Variants in TOMT observed in about 807,000 individuals in gnomAD.
TOMT encodes the protein transmembrane O-methyltransferase.
In TOMT, 23 loss-of-function variants were observed where a neutral mutation model predicts 21.7. The ratio of observed to expected loss-of-function variants is 1.06; its 90% CI spans 0.76 to 1.50. The LOEUF (loss-of-function observed/expected upper bound fraction) is 1.50. TOMT is among the 40% of genes most tolerant of loss of function. The pLI, the probability that TOMT is intolerant of heterozygous loss-of-function variation, is 0.00. For synonymous variants in TOMT, 132 were observed against 150.8 expected, an observed-to-expected ratio of 0.88 and a Z score of 0.91; for missense variants, 331 against 348.7, an observed-to-expected ratio of 0.95 and a Z score of 0.41.
intron 1 of TOMT, 37 bp downstream of exon 1, chr11:72,106,247 C>A: frequency 7.0e-7 from 1 of 1,418,806 alleles, no homozygotes; most frequent in Non-Finnish European, 9.2e-7. Flanking sequence ...AAGAAGTACC[C>A]CCAAGACAGT....
chr11:72,108,926 G>A (rs1275546069), exon 3 of TOMT: 3 of 1,523,380 alleles, frequency 2.0e-6, no homozygotes, highest in Admixed American at 4.0e-5. Context: ...ACCAGGCTGA[G>A]GTCCAGGCCC....
Position 72,109,325 on chromosome 11 carries a change from C to A in TOMT, c.*400C>A, listed in dbSNP as rs956514341. On this transcript the variant is annotated 3_prime_UTR_variant, in exon 3 of 3. Coordinates refer to ENST00000541899, the Ensembl canonical transcript of TOMT. ...TTCTCGGCCTCAGAAAGCCTCCCATCCTCAGCCCATGCCATTCTGGGTGGG... is the reference window on the plus strand; with the variant it reads ...TTCTCGGCCTCAGAAAGCCTCCCATACTCAGCCCATGCCATTCTGGGTGGG... 13 of 468,078 alleles carry A rather than the reference C, an allele frequency of 2.8e-5. No homozygotes were observed. In the East Asian group the frequency reaches 7.4e-4, roughly 27 times the overall value. The allele number at this position is 468,078 out of a possible 1,614,324, so 29.0% of individuals were successfully genotyped here.
chr11:72,106,403 T>G lies in TOMT; in HGVS notation c.259+193T>G, dbSNP rs1161856033. The G allele has an allele frequency of 5.1e-6, 3 of 590,614 alleles. No homozygotes were observed. The East Asian group carries it at 9.0e-5, about 18-fold the overall frequency. 36.6% of individuals were successfully genotyped at this position (590,614 alleles called of 1,614,324 possible). ...CAGCAAACATTTATTGCCACCTCTTTTGTATTAGGAATGTGCTAGGTGCCA... is the reference window on the plus strand; with the variant it reads ...CAGCAAACATTTATTGCCACCTCTTGTGTATTAGGAATGTGCTAGGTGCCA... On this transcript the variant is annotated intron_variant, in intron 1 of 2. Transcript: ENST00000541899.
chr11:72,108,254 G>GCTCCTGCC (rs1048901383), intron 2 of TOMT, 135 bp downstream of exon 2: 1 of 752,066 alleles, frequency 1.3e-6, no homozygotes, highest in Non-Finnish European at 2.0e-6. Context: ...TGGTGTGTGA[G>GCTCCTGCC]CTCCTGCCCT....
chr11:72,109,090 A>C, exon 3 of TOMT: 6 of 621,504 alleles, frequency 9.7e-6, no homozygotes, highest in Non-Finnish European at 1.7e-5. Flanking sequence ...CACTGACCTC[A>C]AGTGTCAAGT....
At chr11:72,107,730 T>G (rs1402750100) in intron 1 of TOMT, 193 bp from the exon 2 acceptor site, 2 of 631,100 alleles carry the variant, frequency 3.2e-6, no homozygotes, top group East Asian at 5.5e-5. Context: ...GTTGGAAAGA[T>G]TCCAGGGCTG....
Position 72,108,135 on chromosome 11 carries a change from C to T in TOMT, c.456+16C>T, listed in dbSNP as rs1484271246. 1.4e-6 allele frequency: 2 copies of T among 1,477,742 alleles called. No homozygotes were observed. Among genetic ancestry groups the T allele is most frequent in the Admixed American group, 2.4e-5 (1 of 41,560 alleles). 91.5% of individuals were successfully genotyped at this position (1,477,742 alleles called of 1,614,324 possible). ...TGAGCACATGGTCAGCCTCCCATCT[C>T]CCCAACCCAGATTTTTGTCACCCCA... On this transcript the variant is annotated intron_variant, in intron 2 of 2. Coordinates refer to ENST00000541899, the Ensembl canonical transcript of TOMT.
exon 3 of TOMT, chr11:72,108,745 C>T: frequency 1.3e-6 from 2 of 1,550,522 alleles, no homozygotes; most frequent in Non-Finnish European, 1.7e-6. Flanking sequence ...AGGCCCATGC[C>T]CTACTGCCAG....
At chr11:72,107,421 C>T (rs1332771248) in intron 1 of TOMT, 1 of 701,040 alleles carries the variant, frequency 1.4e-6, no homozygotes, top group East Asian at 2.7e-5. Context: ...GGAGAAAGAG[C>T]AACATTTGAA....
At position 72,107,751 on chromosome 11, in the gene TOMT, T is replaced by C. The variant is rs1945829707; in HGVS notation, c.260-172T>C. The C allele has an allele frequency of 4.5e-6, 3 of 670,070 alleles. No individual in the cohort carries two copies. In the East Asian group the frequency reaches 8.2e-5, roughly 18 times the overall value. The allele number at this position is 670,070 out of a possible 1,614,324, so 41.5% of individuals were successfully genotyped here. A position where few individuals can be genotyped will look rare whatever the true frequency, so the allele number is the denominator to read the frequency against. On this transcript the variant is annotated intron_variant, in intron 1 of 2. Transcript: ENST00000541899. ...AAGATTCCAGGGCTGGTGTGAAGAC[T>C]ACACTGTAGGAGACGGGGACCAGGA... is the stretch of plus-strand genomic sequence containing the variant.
intron 2 of TOMT, 41 bp from the exon 3 acceptor site, chr11:72,108,564 A>C: frequency 7.0e-7 from 1 of 1,422,308 alleles, no homozygotes; most frequent in Non-Finnish European, 9.2e-7. Context: ...TGGGAGAACA[A>C]TTCCCCCCAC....
At chr11:72,105,927 C>T (rs1376825034) in exon 1 of TOMT, 20 of 1,530,516 alleles carry the variant, frequency 1.3e-5, no homozygotes, top group Non-Finnish European at 1.6e-5. Context: ...CTACCTCCCT[C>T]CACCCCAGGG....
In TOMT at chr11:72,108,124, GC is replaced by G; in HGVS notation, c.456+7del. ...GCCGGCTTTGATGAGCACATGGTCA[GC>G]CTCCCATCTCCCCAACCCAGATTTT... is the stretch of plus-strand genomic sequence containing the variant. On this transcript the variant is annotated splice_donor_region_variant and intron_variant, in intron 2 of 2. Coordinates refer to ENST00000541899, the Ensembl canonical transcript of TOMT. The G allele has an allele frequency of 1.3e-6, 2 of 1,491,016 alleles. No individual in the cohort carries two copies. Among genetic ancestry groups the G allele is most frequent in the Non-Finnish European group, 1.8e-6 (2 of 1,114,106 alleles). The allele number at this position is 1,491,016 out of a possible 1,614,324, so 92.4% of individuals were successfully genotyped here.
At chr11:72,107,180 T>C (rs1591189754) in intron 1 of TOMT, 3 of 470,024 alleles carry the variant, frequency 6.4e-6, no homozygotes, top group Admixed American at 4.1e-5. Flanking sequence ...GGTGGGAGGA[T>C]TGCCTGAGCC....
At chr11:72,109,081 A>G (rs571179861) in exon 3 of TOMT, 2 of 646,488 alleles carry the variant, frequency 3.1e-6, no homozygotes, top group Admixed American at 3.0e-5. Context: ...CAGCCTCTAC[A>G]CTGACCTCAA....
exon 1 of TOMT, chr11:72,106,109 T>G: frequency 6.5e-7 from 1 of 1,548,430 alleles, no homozygotes; most frequent in Non-Finnish European, 8.7e-7. Flanking sequence ...TTCAGCTACG[T>G]GCTCACCCAT....
intron 1 of TOMT, chr11:72,107,215 C>T (rs978336612): frequency 2.7e-5 from 15 of 552,266 alleles, no homozygotes; most frequent in African/African-American, 2.3e-4. Flanking sequence ...TGCAGTGAGC[C>T]GTGATCATGC....
At chr11:72,106,302 G>A in intron 1 of TOMT, 92 bp downstream of exon 1, 2 of 1,333,654 alleles carry the variant, frequency 1.5e-6, no homozygotes, top group South Asian at 1.9e-5. Flanking sequence ...GATGAATTGG[G>A]CAGGTTCTTG....
chr11:72,108,481 A>G, intron 2 of TOMT, 124 bp from the exon 3 acceptor site: 1 of 786,294 alleles, frequency 1.3e-6, no homozygotes, highest in South Asian at 2.4e-5. Flanking sequence ...GGTCAGAGGA[A>G]ATGTGAGAAC....
Sources: allele counts gnomAD v4.1 joint callset, GRCh38; gene constraint gnomAD v4.1.1; transcripts MANE v1.5; gene names NCBI Gene and HGNC (gene_info 2026-07-23, HGNC 2026-07-21).